ABCC12: variants seen among roughly 807,000 people sequenced by gnomAD.
ABCC12 encodes the protein ATP binding cassette subfamily C member 12.
A neutral mutation model predicts 151.1 loss-of-function variants in ABCC12; 142 were observed. The ratio of observed to expected loss-of-function variants is 0.94; its 90% confidence interval spans 0.82 to 1.08. The LOEUF is 1.08. Among genes scored for constraint, ABCC12 ranks in the 50% least tolerant of loss-of-function variants. The probability of loss-of-function intolerance (pLI) is 0.00; values close to 1 mark genes in which losing one functional copy is unlikely to be tolerated. For synonymous variants in ABCC12, 645 were observed against 646.4 expected (o/e 1.00, Z 0.03); for missense variants, 1,638 against 1,691.1 (o/e 0.97, Z 0.55).
In ABCC12 at chr16:48,083,464, G is replaced by A. The variant is rs1962434307; in HGVS notation, c.*251C>T. The A allele has an allele frequency of 2.2e-6, 1 of 459,786 alleles. No homozygotes were observed. The allele number at this position is 459,786 out of a possible 1,614,324, so 28.5% of individuals were successfully genotyped here. A position where few individuals can be genotyped will look rare whatever the true frequency, so the allele number is the denominator to read the frequency against. On this transcript the variant is annotated 3_prime_UTR_variant, in exon 31 of 31. Coordinates refer to ENST00000311303, the MANE Select transcript of ABCC12 (RefSeq NM_001393797.1). ...TGAGGAACCCTTGGGGATTTGGGAG[G>A]TGAAGGGCAGTTTTTTAATCCATTA...
At chr16:48,146,108 C>T (rs756069162) in intron 3 of ABCC12, among the ~76,000 whole-genome samples, 198 bp downstream of exon 3, 3 of 152,242 alleles carry the variant, frequency 2.0e-5, no homozygotes, top group African/African-American at 4.8e-5. Flanking sequence ...ACCTGAGCTA[C>T]TGCCTCCTTT....
intron 2 of ABCC12, among the ~76,000 whole-genome samples, chr16:48,153,252 A>C (rs1216977022): frequency 6.6e-6 from 1 of 152,246 alleles, no homozygotes; most frequent in Non-Finnish European, 1.5e-5. Flanking sequence ...ATGTGGCAAA[A>C]ATGTCACTGC....
chr16:48,088,666 C>A lies in ABCC12; in HGVS notation c.3354G>T (p.Gly1118=). ...TCTGATAGTCTCTGAAGGTGATCTC[C>A]CCACGGCTGGGCCAGTCCTTGGGAC... The part of the protein sequence containing the change: ...GTCPKDWPSR[G]EITFRDYQMR... Residue 1118 remains glycine, a synonymous_variant, in exon 26 of 31, where the codon GGG becomes GGT. Coordinates refer to ENST00000311303, the MANE Select transcript of ABCC12 (RefSeq NM_001393797.1). 1 of 1,614,190 alleles carries A rather than the reference C, an allele frequency of 6.2e-7. No individual in the cohort carries two copies. Among genetic ancestry groups the A allele is most frequent in the Non-Finnish European group, 8.5e-7 (1 of 1,180,024 alleles).
At chr16:48,116,317 G>A (rs939388879) in intron 14 of ABCC12, among the ~76,000 whole-genome samples, 2 of 152,178 alleles carry the variant, frequency 1.3e-5, no homozygotes, top group African/African-American at 2.4e-5. Context: ...CCTCTCCCTG[G>A]GGAGCTCCAC....
chr16:48,090,193 T>C (rs1254986984), intron 25 of ABCC12, among the ~76,000 whole-genome samples: 1 of 152,178 alleles, frequency 6.6e-6, no homozygotes, highest in African/African-American at 2.4e-5. Context: ...GAGCTTCTAT[T>C]TTTCAACTTA....
At chr16:48,085,533 T>A (rs533631747) in intron 29 of ABCC12, 60 bp downstream of exon 29, 2 of 1,454,054 alleles carry the variant, frequency 1.4e-6, no homozygotes, top group South Asian at 2.3e-5. Flanking sequence ...GCCTCCTGGA[T>A]TGAGTGGCGC....
chr16:48,123,425 C>G (rs1323950097), intron 12 of ABCC12, among the ~76,000 whole-genome samples: 1 of 152,086 alleles, frequency 6.6e-6, no homozygotes, highest in Non-Finnish European at 1.5e-5. Context: ...ATAGATGAGT[C>G]AACTGAGGCC....
At chr16:48,114,851 A>G (rs1479380626) in intron 15 of ABCC12, among the ~76,000 whole-genome samples, 3 of 152,176 alleles carry the variant, frequency 2.0e-5, no homozygotes, top group Non-Finnish European at 4.4e-5. Context: ...CGCTTTCTTC[A>G]GTGAGATTCA....
chr16:48,111,719 C>T (rs754859892), intron 16 of ABCC12, 57 bp from the exon 17 acceptor site: 59 of 1,613,998 alleles, frequency 3.7e-5, no homozygotes, highest in Middle Eastern at 1.6e-4. Context: ...CTCCCAGGCA[C>T]GAAATCCTGA....
intron 10 of ABCC12, 37 bp from the exon 11 acceptor site, chr16:48,128,774 C>A (rs781550085): frequency 6.3e-7 from 1 of 1,589,450 alleles, no homozygotes; most frequent in South Asian, 1.1e-5. Context: ...GAGCAGATGT[C>A]ATCCATTTGC....
At chr16:48,131,046 A>C in intron 9 of ABCC12, 151 bp from the exon 10 acceptor site, 1 of 623,750 alleles carries the variant, frequency 1.6e-6, no homozygotes, top group Non-Finnish European at 2.8e-6. Context: ...CATGGCTCAG[A>C]AACCATCGGT....
chr16:48,086,580 G>C (rs894037685), intron 28 of ABCC12, 161 bp downstream of exon 28: 8 of 638,670 alleles, frequency 1.3e-5, no homozygotes, highest in African/African-American at 1.1e-4. Flanking sequence ...CTTTTAATAG[G>C]AAAGAATAAC....
At chr16:48,086,648 G>T in intron 28 of ABCC12, 93 bp downstream of exon 28, 1 of 1,090,162 alleles carries the variant, frequency 9.2e-7, no homozygotes, top group Non-Finnish European at 1.4e-6. Flanking sequence ...GCTAAGTGCT[G>T]GCCTAGGTGC....
intron 9 of ABCC12, among the ~76,000 whole-genome samples, chr16:48,131,511 C>CA (rs1043827485): frequency 2.6e-5 from 4 of 152,098 alleles, no homozygotes; most frequent in African/African-American, 7.2e-5. Context: ...CCCTTCCCTC[C>CA]AAAAAATCAC....
chr16:48,111,618 C>T lies in ABCC12; in HGVS notation c.2169G>A (p.Lys723=). 4 of 1,614,160 alleles carry T rather than the reference C, an allele frequency of 2.5e-6. No individual in the cohort carries two copies. The South Asian group carries it at 4.4e-5, about 18-fold the overall frequency. Residue 723 remains lysine (K), a synonymous_variant, in exon 17 of 31, where the codon AAG becomes AAA. Transcript: ENST00000311303. Reference sequence around the variant, plus strand: ...CTTCCTCTCTCTCAGCAGGGCTCTCCTTGAAGGCTTCCACCATTGCTGCAT... The same window carrying T: ...CTTCCTCTCTCTCAGCAGGGCTCTCTTTGAAGGCTTCCACCATTGCTGCAT... The part of the protein sequence containing the change: ...LYNAAMVEAF[K]ESPAEREEDA...
At chr16:48,123,856 C>G (rs1964151095) in intron 12 of ABCC12, among the ~76,000 whole-genome samples, 1 of 152,216 alleles carries the variant, frequency 6.6e-6, no homozygotes, top group South Asian at 2.1e-4. Context: ...CTCCAAAGTC[C>G]TTCCACACCA....
chr16:48,140,523 G>T (rs530102166), intron 6 of ABCC12, among the ~76,000 whole-genome samples, 164 bp downstream of exon 6: 65 of 152,194 alleles, frequency 4.3e-4, no homozygotes, highest in Admixed American at 2.2e-3. Flanking sequence ...CTCCTCTGGT[G>T]TTCTGTGTCT....
In ABCC12 at chr16:48,085,671, G is replaced by A. The variant is rs749068471; in HGVS notation, c.3750C>T (p.Val1250=). 25 of 1,614,078 alleles carry A rather than the reference G, an allele frequency of 1.5e-5. No homozygotes were observed. The highest frequency in any genetic ancestry group is 1.9e-5 in the Non-Finnish European group (23 of 1,180,010). The part of the protein sequence containing the change: ...MKLPEKLQAE[V]TENGENFSVG... The stretch of plus-strand genomic sequence containing the variant: ...CTGAGAAGTTTTCTCCATTTTCTGT[G>A]ACTTCTGCCTGTAATTTTTCTGGGA... Residue 1250 remains valine (V), a synonymous_variant, in exon 29 of 31, where the codon GTC becomes GTT. Coordinates refer to ENST00000311303, the MANE Select transcript of ABCC12 (RefSeq NM_001393797.1).
chr16:48,149,837 A>G lies in ABCC12; in HGVS notation c.-50-3363T>C, dbSNP rs112309605. ...CCAAATACACACAAAAATATGCTCA[A>G]TCTCTGAGTATCAGGAAAATATGAA... On this transcript the variant is annotated intron_variant, in intron 2 of 30. Coordinates refer to ENST00000311303, the MANE Select transcript of ABCC12 (RefSeq NM_001393797.1). Among the ~76,000 whole-genome samples the G allele has an allele frequency of 7.9e-3, 1,199 of 152,364 alleles. 22 individuals carry two copies. The highest frequency in any genetic ancestry group is 0.026 in the African/African-American group (1,100 of 41,576).
Sources: allele counts gnomAD v4.1 joint callset (sites outside exome capture counted in the v4.1 genomes callset), GRCh38; gene constraint gnomAD v4.1.1; transcripts MANE v1.5; gene names NCBI Gene and HGNC (gene_info 2026-07-23, HGNC 2026-07-21).